ITIH2: variants seen among roughly 807,000 people sequenced by gnomAD.
The protein encoded by ITIH2 is inter-alpha-trypsin inhibitor heavy chain H2.
A neutral mutation model predicts 104.4 loss-of-function variants in ITIH2; 103 were observed. The ratio of observed to expected loss-of-function variants is 0.99; its 90% CI spans 0.84 to 1.16. ITIH2 has a LOEUF of 1.16. Among genes scored for constraint, ITIH2 ranks in the 50% most tolerant of loss-of-function variants. The probability of loss-of-function intolerance (pLI) is 0.00; values close to 1 mark genes in which losing one functional copy is unlikely to be tolerated. For missense variants in ITIH2, 1,108 were observed against 1,162.4 expected (o/e 0.95, Z 0.68); for synonymous variants, 436 against 435.4 (o/e 1.00, Z -0.02).
At chr10:7,737,432 T>G (rs1349533984) in intron 15 of ITIH2, among the ~76,000 whole-genome samples, 1 of 128,072 alleles carries the variant, frequency 7.8e-6, no homozygotes, top group Non-Finnish European at 1.6e-5. Context: ...TATATACACG[T>G]GTATATATAT....
intron 5 of ITIH2, among the ~76,000 whole-genome samples, chr10:7,713,691 G>T (rs567352662): frequency 2.1e-4 from 32 of 152,028 alleles, no homozygotes; most frequent in East Asian, 1.7e-3. Context: ...GGGATAAGGG[G>T]TTTTTTTTAA....
intron 4 of ITIH2, among the ~76,000 whole-genome samples, chr10:7,712,057 C>A (rs1588450465): frequency 6.6e-6 from 1 of 152,182 alleles, no homozygotes; most frequent in South Asian, 2.1e-4. Flanking sequence ...GGGGACCCAC[C>A]AGCACCTTCC....
At position 7,721,039 on chromosome 10, in the gene ITIH2, G is replaced by A. The variant is rs541041737; in HGVS notation, c.738+76G>A. On this transcript the variant is annotated intron_variant, in intron 7 of 20. Transcript: ENST00000358415. ...GGGTTCTGTTCTCCTTCTGTGCTCTGGAGAAGAGAAAAGCAGGCTGGTGTT... is the reference window on the plus strand; with the variant it reads ...GGGTTCTGTTCTCCTTCTGTGCTCTAGAGAAGAGAAAAGCAGGCTGGTGTT... 543 of 952,508 alleles carry A rather than the reference G, an allele frequency of 5.7e-4. 8 individuals carry two copies. In the South Asian group the frequency reaches 6.6e-3, roughly 12 times the overall value. 59.0% of individuals were successfully genotyped at this position (952,508 alleles called of 1,614,324 possible).
chr10:7,731,705 A>G (rs920924709), intron 12 of ITIH2, 106 bp from the exon 13 acceptor site: 20 of 819,650 alleles, frequency 2.4e-5, no homozygotes, highest in Non-Finnish European at 3.3e-5. Flanking sequence ...AGCCTGGGCA[A>G]CAGAGTGAGA....
At chr10:7,749,016 C>T (rs1392134235) in intron 20 of ITIH2, among the ~76,000 whole-genome samples, 171 bp from the exon 21 acceptor site, 1 of 152,166 alleles carries the variant, frequency 6.6e-6, no homozygotes, top group Non-Finnish European at 1.5e-5. Flanking sequence ...GTGCTTCCAA[C>T]ACCAAGCCCC....
At chr10:7,732,289 C>A (rs758723773) in intron 13 of ITIH2, 49 bp from the exon 14 acceptor site, 26 of 1,579,220 alleles carry the variant, frequency 1.6e-5, no homozygotes, top group Non-Finnish European at 2.0e-5. Context: ...AATCAATGAA[C>A]TATAATTCTG....
At chr10:7,735,148 G>A (rs1835042447) in intron 15 of ITIH2, 57 bp downstream of exon 15, 8 of 1,501,726 alleles carry the variant, frequency 5.3e-6, no homozygotes, top group Non-Finnish European at 6.3e-6. Context: ...CCCGGGGGTG[G>A]GCGAAGTCCT....
chr10:7,740,538 CTG>C (rs1835114581), intron 16 of ITIH2, among the ~76,000 whole-genome samples: 1 of 152,182 alleles, frequency 6.6e-6, no homozygotes, highest in Admixed American at 6.5e-5. Flanking sequence ...GCTGCTTAAA[CTG>C]TGGCTTTGCA....
At chr10:7,746,741 T>C (rs1374767593) in intron 20 of ITIH2, 37 bp downstream of exon 20, 4 of 1,345,876 alleles carry the variant, frequency 3.0e-6, no homozygotes, top group Non-Finnish European at 4.3e-6. Context: ...CGAAAAGGCC[T>C]TGTGTTAGAA....
At position 7,744,833 on chromosome 10, in the gene ITIH2, C is replaced by A. The variant is rs752985696; in HGVS notation, c.2451C>A (p.Thr817=). The change falls in exon 19 of 21, where the codon ACC becomes ACA. Residue 817 remains threonine, a synonymous_variant. Transcript: ENST00000358415. ...AGAAAGAAAAAGTGGTAACTATCAC[C>A]CTGGATAAAGAGATGTCCTTTTCTG... ...SVKKEKVVTI[T]LDKEMSFSVL... The A allele has an allele frequency of 3.7e-6, 6 of 1,614,012 alleles. No individual in the cohort carries two copies. Among genetic ancestry groups the A allele is most frequent in the Non-Finnish European group, 5.1e-6 (6 of 1,179,970 alleles).
In ITIH2 at chr10:7,723,434, T is replaced by C. The variant is rs1834925047; in HGVS notation, c.868-17T>C. The C allele has an allele frequency of 6.8e-7, 1 of 1,474,656 alleles. No individual in the cohort carries two copies. Among genetic ancestry groups the C allele is most frequent in the Admixed American group, 1.7e-5 (1 of 59,852 alleles). 91.3% of individuals were successfully genotyped at this position (1,474,656 alleles called of 1,614,324 possible). The stretch of plus-strand genomic sequence containing the variant: ...CACGAATCATGATTTGACTCACAAA[T>C]ACCTTCTATTTTTCAGGTGTTTAAT... On this transcript the variant is annotated splice_polypyrimidine_tract_variant and intron_variant, in intron 8 of 20. Transcript: ENST00000358415.
At chr10:7,708,896 G>C (rs1294615129) in intron 3 of ITIH2, 126 bp from the exon 4 acceptor site, 37 of 795,374 alleles carry the variant, frequency 4.7e-5, no homozygotes, top group Non-Finnish European at 7.1e-5. Flanking sequence ...TCCTTACCAA[G>C]GCCCTGGAAT....
chr10:7,740,645 T>C (rs1835115288), intron 16 of ITIH2, among the ~76,000 whole-genome samples: 1 of 152,216 alleles, frequency 6.6e-6, no homozygotes, highest in East Asian at 1.9e-4. Flanking sequence ...CAAGTTTCTC[T>C]TCTCTGTTGT....
intron 9 of ITIH2, among the ~76,000 whole-genome samples, chr10:7,726,122 C>G (rs1258164560): frequency 6.6e-6 from 1 of 151,988 alleles, no homozygotes; most frequent in Admixed American, 6.6e-5. Flanking sequence ...GGATGAAAAC[C>G]CGAAAGGATT....
Position 7,731,979 on chromosome 10 carries a change from G to T in ITIH2, c.1630G>T (p.Val544Phe). Residue 544 changes from valine to phenylalanine, a missense_variant, in exon 13 of 21, where the codon GTT becomes TTT. Physicochemically the swap from Val to Phe is conservative, Grantham distance 50 (BLOSUM62 -1). Transcript: ENST00000358415. ...TGCTAAATTGGATCAAATAGAGAGC[G>T]TTATCACGGCGACTTCGGTACTTCC... ...DPAKLDQIES[V>F]ITATSANTQL... The T allele has an allele frequency of 6.2e-7, 1 of 1,613,392 alleles. No individual in the cohort carries two copies. The highest frequency in any genetic ancestry group is 8.5e-7 in the Non-Finnish European group (1 of 1,179,484).
At chr10:7,734,874 C>G (rs777655917) in intron 14 of ITIH2, 48 bp from the exon 15 acceptor site, 1 of 1,528,076 alleles carries the variant, frequency 6.5e-7, no homozygotes, top group Non-Finnish European at 8.9e-7. Context: ...CTTGCGCTCC[C>G]CCTCCAATGC....
chr10:7,721,415 A>G (rs1834901391), intron 7 of ITIH2, among the ~76,000 whole-genome samples: 1 of 152,212 alleles, frequency 6.6e-6, no homozygotes, highest in South Asian at 2.1e-4. Flanking sequence ...GATGAAGGAA[A>G]TTCTTCGGCT....
chr10:7,713,691 GT>G (rs34852426), intron 5 of ITIH2, among the ~76,000 whole-genome samples: 1 of 152,026 alleles, frequency 6.6e-6, no homozygotes, highest in Non-Finnish European at 1.5e-5. Context: ...GGGATAAGGG[GT>G]TTTTTTTAAT....
Position 7,727,815 on chromosome 10 carries a change from A to G in ITIH2, c.1266A>G (p.Gly422=). ...CGCTGATCATTTTGGTTTCTGATGG[A>G]GATCCAACAGTGGGCAAGTGTCACT... ...SVSLIILVSD[G]DPTVGELKLS... The change falls in exon 11 of 21, where the codon GGA becomes GGG. Residue 422 remains glycine (G), a synonymous_variant. Transcript: ENST00000358415. The G allele has an allele frequency of 1.2e-6, 2 of 1,614,190 alleles. No homozygotes were observed. The highest frequency in any genetic ancestry group is 1.7e-4 in the Middle Eastern group (1 of 6,060).
Sources: gnomAD v4.1 joint callset for allele counts (sites outside exome capture counted in the v4.1 genomes callset) on GRCh38, gnomAD v4.1.1 for gene constraint, MANE v1.5 for transcripts, NCBI Gene and HGNC (gene_info 2026-07-23, HGNC 2026-07-21) for gene names.